The following AGBL4 variants were observed in gnomAD, a reference collection of about 807,000 sequenced individuals.
AGBL4 encodes AGBL carboxypeptidase 4.
Under a neutral mutation model 66.4 loss-of-function variants are expected in AGBL4, and 58 were observed. That is an observed-to-expected ratio of 0.87 (90% CI 0.71 to 1.09). The LOEUF (loss-of-function observed/expected upper bound fraction) is 1.09. Ranked by LOEUF, AGBL4 falls within the 50% of genes least tolerant of loss-of-function variation. AGBL4 has a pLI of 0.00. For missense variants in AGBL4, 579 were observed against 631.0 expected (o/e 0.92, Z 0.88); for synonymous variants, 234 against 222.9 (o/e 1.05, Z -0.44).
intron 3 of AGBL4, among the ~76,000 whole-genome samples, chr1:49,288,609 G>C (rs1003342202): frequency 6.6e-6 from 1 of 152,166 alleles, no homozygotes; most frequent in East Asian, 1.9e-4. Context: ...AATAAAACAA[G>C]TAGAAAGTGG....
At chr1:48,524,962 T>C in the AGBL4 span, among the ~76,000 whole-genome samples, 1 of 152,120 alleles carries the variant, frequency 6.6e-6, no homozygotes, top group African/African-American at 2.4e-5. Context: ...GTTTCAGGGT[T>C]GCTTTTATTT....
intron 1 of AGBL4, among the ~76,000 whole-genome samples, chr1:49,868,839 A>G (rs1646770428): frequency 6.6e-6 from 1 of 152,200 alleles, no homozygotes; most frequent in Non-Finnish European, 1.5e-5. Context: ...AATGGGAGAA[A>G]ATTTTTGCAA....
chr1:49,097,053 T>C (rs926197712), intron 4 of AGBL4, among the ~76,000 whole-genome samples: 15 of 152,140 alleles, frequency 9.9e-5, no homozygotes, highest in African/African-American at 3.6e-4. Flanking sequence ...CATAGTAAAC[T>C]TCTTAGCTTC....
rs1659194246 is a variant in AGBL4 at position 48,974,931 on chromosome 1, C to CT, written c.594+70652dup. 3.3e-5 allele frequency among the ~76,000 whole-genome samples: 5 copies of CT among 152,172 alleles called. No homozygotes were observed. The South Asian group carries it at 1.0e-3, about 32-fold the overall frequency. ...TTGTAGGGCTATTTCAATTCTCTTG[C>CT]TTTTTTATCATAATCTAGTCTGCTG... On this transcript the variant is annotated intron_variant, in intron 5 of 13. Transcript: ENST00000371839.
chr1:48,898,511 T>C (rs1651757369), intron 5 of AGBL4, among the ~76,000 whole-genome samples: 1 of 152,224 alleles, frequency 6.6e-6, no homozygotes, highest in South Asian at 2.1e-4. Context: ...TGTTTCATTC[T>C]TCTGCATATA....
intron 3 of AGBL4, among the ~76,000 whole-genome samples, chr1:49,598,511 C>T (rs978051054): frequency 1.3e-5 from 2 of 152,182 alleles, no homozygotes; most frequent in African/African-American, 4.8e-5. Context: ...GTATCAGCAG[C>T]GGTGGCTGGA....
chr1:49,931,906 T>C (rs1319059042), intron 1 of AGBL4, among the ~76,000 whole-genome samples: 1 of 152,178 alleles, frequency 6.6e-6, no homozygotes. Context: ...GTGGCCCCAG[T>C]TGTGTATCCC....
chr1:48,776,822 A>G (rs1645116815), intron 6 of AGBL4: 1 of 1,506,248 alleles, frequency 6.6e-7, no homozygotes, highest in Non-Finnish European at 8.9e-7. Flanking sequence ...AACCGCACAA[A>G]GGCGTACATG....
chr1:48,573,476 A>C (rs979268034), intron 11 of AGBL4, among the ~76,000 whole-genome samples: 4 of 152,178 alleles, frequency 2.6e-5, no homozygotes, highest in African/African-American at 7.2e-5. Flanking sequence ...CAGAGCATCA[A>C]ATACCAAATC....
chr1:49,301,610 T>C (rs1283560559), intron 3 of AGBL4, among the ~76,000 whole-genome samples: 1 of 152,236 alleles, frequency 6.6e-6, no homozygotes, highest in Non-Finnish European at 1.5e-5. Flanking sequence ...AAACAATACC[T>C]AGTCATCGTT....
intron 6 of AGBL4, among the ~76,000 whole-genome samples, chr1:48,787,012 G>T (rs1164455768): frequency 6.6e-6 from 1 of 152,180 alleles, no homozygotes; most frequent in Non-Finnish European, 1.5e-5. Flanking sequence ...AATCCTCAAA[G>T]TAGTCCTGGA....
chr1:49,031,430 T>C (rs1571274778), intron 5 of AGBL4, among the ~76,000 whole-genome samples: 1 of 152,112 alleles, frequency 6.6e-6, no homozygotes, highest in East Asian at 1.9e-4. Flanking sequence ...TTACTATTTG[T>C]CAATTAAAAA....
chr1:48,897,438 A>C (rs1651626669), intron 5 of AGBL4, among the ~76,000 whole-genome samples: 1 of 152,226 alleles, frequency 6.6e-6, no homozygotes, highest in African/African-American at 2.4e-5. Context: ...TGCAATAAAC[A>C]TGGGAGTACA....
At chr1:49,874,656 C>T (rs576738524) in intron 1 of AGBL4, among the ~76,000 whole-genome samples, 3 of 152,124 alleles carry the variant, frequency 2.0e-5, no homozygotes, top group African/African-American at 7.2e-5. Context: ...ATCTTAGTTG[C>T]TCAAGTATTA....
intron 4 of AGBL4, among the ~76,000 whole-genome samples, chr1:49,216,300 G>A (rs1649083632): frequency 6.6e-6 from 1 of 152,038 alleles, no homozygotes; most frequent in African/African-American, 2.4e-5. Flanking sequence ...AGGGTTACAG[G>A]TGCAGGTTTG....
At chr1:49,109,617 A>G (rs1019727797) in intron 4 of AGBL4, among the ~76,000 whole-genome samples, 7 of 152,198 alleles carry the variant, frequency 4.6e-5, no homozygotes, top group Non-Finnish European at 8.8e-5. Context: ...AAGCATTATT[A>G]GAGTATTTTT....
intron 4 of AGBL4, among the ~76,000 whole-genome samples, chr1:49,225,682 CA>C (rs2148286538): frequency 1.3e-5 from 2 of 152,322 alleles, no homozygotes; most frequent in South Asian, 4.1e-4. Context: ...TTTCAGTAGG[CA>C]AACTCTGGTG....
chr1:48,676,896 C>T (rs1265347272), intron 6 of AGBL4, among the ~76,000 whole-genome samples: 1 of 152,132 alleles, frequency 6.6e-6, no homozygotes, highest in Non-Finnish European at 1.5e-5. Context: ...GCAAACTGTT[C>T]TTCTAATTTG....
At chr1:48,962,742 G>A (rs905805175) in intron 5 of AGBL4, among the ~76,000 whole-genome samples, 3 of 152,048 alleles carry the variant, frequency 2.0e-5, no homozygotes, top group African/African-American at 7.3e-5. Flanking sequence ...CATTTAAGCT[G>A]GTTCAGTAAC....
Sources: allele counts gnomAD v4.1 joint callset (sites outside exome capture counted in the v4.1 genomes callset), GRCh38; gene constraint gnomAD v4.1.1; transcripts MANE v1.5; gene names NCBI Gene and HGNC (gene_info 2026-07-23, HGNC 2026-07-21).